Variants in PTPN13 observed in about 807,000 individuals in gnomAD.
PTPN13 encodes tyrosine-protein phosphatase non-receptor type 13.
PTPN13 carries 191 observed loss-of-function variants against 284.0 expected under a neutral mutation model. The observed-to-expected ratio is 0.67, with a 90% confidence interval of 0.60 to 0.76. The LOEUF (loss-of-function observed/expected upper bound fraction) is 0.76. Ranked by LOEUF, PTPN13 falls within the 30% of genes least tolerant of loss-of-function variation. The pLI, the probability that PTPN13 is intolerant of heterozygous loss-of-function variation, is 0.00. For missense variants in PTPN13, 2,797 were observed against 2,939.9 expected, an observed-to-expected ratio of 0.95 and a Z score of 1.12; for synonymous variants, 986 against 1,022.3, an observed-to-expected ratio of 0.96 and a Z score of 0.68.
intron 2 of PTPN13, among the ~76,000 whole-genome samples, chr4:86,643,723 A>T (rs1317978180): frequency 6.6e-6 from 1 of 152,206 alleles, no homozygotes; most frequent in East Asian, 1.9e-4. Context: ...AGCTGAAAAG[A>T]TTTTAATCTG....
intron 2 of PTPN13, among the ~76,000 whole-genome samples, chr4:86,664,541 A>G (rs754911308): frequency 9.9e-5 from 15 of 152,182 alleles, no homozygotes; most frequent in Non-Finnish European, 1.8e-4. Flanking sequence ...TATTTCAATT[A>G]GATAATTCTA....
intron 4 of PTPN13, 56 bp downstream of exon 4, chr4:86,686,831 T>C (rs1203885142): frequency 5.0e-6 from 6 of 1,191,582 alleles, no homozygotes; most frequent in Admixed American, 2.2e-5. Flanking sequence ...TTTTACACCT[T>C]ATATCATAGC....
At chr4:86,672,581 GT>G (rs1321393196) in intron 3 of PTPN13, 38 bp downstream of exon 3, 1 of 1,494,458 alleles carries the variant, frequency 6.7e-7, no homozygotes. Flanking sequence ...TTTTATTTGG[GT>G]GGGGATAGGT....
intron 20 of PTPN13, among the ~76,000 whole-genome samples, chr4:86,756,223 T>C (rs1737950088): frequency 6.6e-6 from 1 of 152,040 alleles, no homozygotes; most frequent in Non-Finnish European, 1.5e-5. Context: ...ATGTGGTCTC[T>C]TAAAGGCTAT....
intron 47 of PTPN13, among the ~76,000 whole-genome samples, chr4:86,812,051 C>T (rs1401919156): frequency 1.3e-5 from 2 of 152,102 alleles, no homozygotes; most frequent in African/African-American, 2.4e-5. Flanking sequence ...TGGCTCACGC[C>T]TGTAATCCCA....
At chr4:86,753,219 T>C (rs1737589553) in intron 20 of PTPN13, among the ~76,000 whole-genome samples, 154 bp downstream of exon 20, 1 of 152,118 alleles carries the variant, frequency 6.6e-6, no homozygotes, top group African/African-American at 2.4e-5. Flanking sequence ...AGCATCATAA[T>C]GATGTAATGG....
At chr4:86,813,752 AT>A (rs145402263) in intron 47 of PTPN13, among the ~76,000 whole-genome samples, 1 of 152,140 alleles carries the variant, frequency 6.6e-6, no homozygotes, top group Non-Finnish European at 1.5e-5. Flanking sequence ...TAAGCTGTTA[AT>A]TTTTTGACAT....
intron 45 of PTPN13, among the ~76,000 whole-genome samples, chr4:86,808,621 A>T (rs1450988474): frequency 3.3e-5 from 5 of 152,228 alleles, no homozygotes; most frequent in Non-Finnish European, 5.9e-5. Flanking sequence ...AATTTCTCTC[A>T]TAATTTTTGA....
At chr4:86,620,763 C>G (rs1051122637) in intron 1 of PTPN13, among the ~76,000 whole-genome samples, 1 of 152,196 alleles carries the variant, frequency 6.6e-6, no homozygotes, top group Non-Finnish European at 1.5e-5. Context: ...AAGTGCTCTT[C>G]CCTAAATCAG....
chr4:86,679,440 A>G (rs928186355), intron 3 of PTPN13, among the ~76,000 whole-genome samples: 1 of 152,184 alleles, frequency 6.6e-6, no homozygotes, highest in Non-Finnish European at 1.5e-5. Context: ...AATCAGCAGC[A>G]TCACCATCAC....
intron 40 of PTPN13, among the ~76,000 whole-genome samples, chr4:86,793,562 C>T (rs892752607): frequency 4.6e-5 from 7 of 152,166 alleles, no homozygotes; most frequent in African/African-American, 1.7e-4. Flanking sequence ...TTCTTCTCAG[C>T]ACCACATCAC....
chr4:86,728,770 A>C (rs1734614819), intron 10 of PTPN13, among the ~76,000 whole-genome samples: 1 of 143,814 alleles, frequency 7.0e-6, no homozygotes, highest in Non-Finnish European at 1.5e-5. Context: ...AATACAGCAC[A>C]CTGATGAGTC....
In PTPN13 at chr4:86,701,251, T is replaced by A. The variant is rs374521535; in HGVS notation, c.645T>A (p.Ser215=). 1.6e-4 allele frequency: 254 copies of A among 1,558,474 alleles called. No individual in the cohort carries two copies. The highest frequency in any genetic ancestry group is 1.8e-4 in the Non-Finnish European group (207 of 1,156,434). ...RGKGLPTGRS[S]TSDVLDIQKP... ...TTCTTATCATTCCAGGAAGAAGCTC[T>A]ACTTCTGATGTACTAGACATACAAA... Residue 215 remains serine, a synonymous_variant, in exon 7 of 48, where the codon TCT becomes TCA. Coordinates refer to ENST00000411767, the MANE Select transcript of PTPN13 (RefSeq NM_080683.3).
intron 37 of PTPN13, among the ~76,000 whole-genome samples, chr4:86,783,980 A>T (rs1398587117): frequency 1.3e-5 from 2 of 152,050 alleles, no homozygotes; most frequent in African/African-American, 4.8e-5. Context: ...AGGTCACTAA[A>T]TTGGAGACTA....
At chr4:86,676,880 T>C (rs1196641714) in intron 3 of PTPN13, among the ~76,000 whole-genome samples, 1 of 152,048 alleles carries the variant, frequency 6.6e-6, no homozygotes, top group African/African-American at 2.4e-5. Context: ...AGGGAAGAAT[T>C]AGTGTTTAAT....
At position 86,594,719 on chromosome 4, in the gene PTPN13, C is replaced by A. The variant is rs1434491472; in HGVS notation, c.-76C>A. 6.6e-6 allele frequency: 1 copy of A among 152,438 alleles called. No individual in the cohort carries two copies. The highest frequency in any genetic ancestry group is 1.5e-5 in the Non-Finnish European group (1 of 68,264). The allele number at this position is 152,438 out of a possible 1,614,324, so 9.4% of individuals were successfully genotyped here. A position where few individuals can be genotyped will look rare whatever the true frequency, so the allele number is the denominator to read the frequency against. ...GCGCCCGCGGCGGCTGCCGGCGGCC[C>A]GCCCCGACGCCGCGTCCCTGCAGCC... On this transcript the variant is annotated 5_prime_UTR_variant, in exon 1 of 48. Coordinates refer to ENST00000411767, the MANE Select transcript of PTPN13 (RefSeq NM_080683.3).
rs563176633 is a variant in PTPN13 at position 86,613,623 on chromosome 4, G to A, written c.-6+18834G>A. 4.2e-3 allele frequency among the ~76,000 whole-genome samples: 494 copies of A among 117,012 alleles called. 9 individuals are homozygous for A. Among genetic ancestry groups the A allele is most frequent in the African/African-American group, 0.016 (464 of 28,196 alleles). 76.8% of individuals were successfully genotyped at this position (117,012 alleles called of 152,430 possible). A position where few individuals can be genotyped will look rare whatever the true frequency, so the allele number is the denominator to read the frequency against. On this transcript the variant is annotated intron_variant, in intron 1 of 47. Transcript: ENST00000411767. ...CACTCCAGCCTGGGCGACAAGGTGA[G>A]ACTCCGTCTCAAAAAAAAAAAAAAA...
intron 2 of PTPN13, among the ~76,000 whole-genome samples, chr4:86,647,180 A>G (rs1350440434): frequency 1.3e-5 from 2 of 152,182 alleles, no homozygotes; most frequent in East Asian, 3.8e-4. Flanking sequence ...GCATATTCAT[A>G]TGTCAGAACA....
Position 86,672,352 on chromosome 4 carries a change from A to G in PTPN13, c.116-13A>G. On this transcript the variant is annotated splice_polypyrimidine_tract_variant and intron_variant, in intron 2 of 47. Transcript: ENST00000411767. ...TTTTTTTTATTTTTTATTTTGGTGC[A>G]ATTACAAACCAGTAAGCCTAGCTGA... 1.3e-6 allele frequency: 2 copies of G among 1,503,618 alleles called. No homozygotes were observed. The highest frequency in any genetic ancestry group is 2.6e-5 in the South Asian group (2 of 76,226). The allele number at this position is 1,503,618 out of a possible 1,614,324, so 93.1% of individuals were successfully genotyped here.
Sources: gnomAD v4.1 joint callset for allele counts (sites outside exome capture counted in the v4.1 genomes callset) on GRCh38, gnomAD v4.1.1 for gene constraint, MANE v1.5 for transcripts, NCBI Gene and HGNC (gene_info 2026-07-23, HGNC 2026-07-21) for gene names.